LRRC37A2: variants seen among roughly 807,000 people sequenced by gnomAD.
LRRC37A2 encodes the protein leucine rich repeat containing 37 member A2.
A neutral mutation model predicts 68.8 loss-of-function variants in LRRC37A2; 9 were observed. That is an observed-to-expected ratio of 0.13 (90% CI 0.08 to 0.23). The LOEUF is 0.23. LRRC37A2 is among the 10% of genes least tolerant of loss of function. The pLI is 1.00. For missense variants in LRRC37A2, 168 were observed against 950.4 expected (o/e 0.18, Z 10.82); for synonymous variants, 63 against 367.6 (o/e 0.17, Z 9.48).
the LRRC37A2 span, among the ~76,000 whole-genome samples, chr17:46,727,618 AGGTCTCCATAAATTGATAGTG>A: frequency 6.6e-6 from 1 of 152,126 alleles, no homozygotes; most frequent in African/African-American, 2.4e-5. Context: ...TATATCTGTG[AGGTCTCCATAAATTGATAGTG>A]GGTTTTGGGT....
the LRRC37A2 span, among the ~76,000 whole-genome samples, chr17:46,679,461 A>G: frequency 7.6e-5 from 10 of 132,284 alleles, no homozygotes; most frequent in Non-Finnish European, 1.1e-4. Flanking sequence ...AGCTCCTTAT[A>G]TTATTGGGGA....
chr17:46,739,791 C>T, the LRRC37A2 span, among the ~76,000 whole-genome samples: 3 of 151,760 alleles, frequency 2.0e-5, no homozygotes, highest in Non-Finnish European at 2.9e-5. Context: ...CTCTGCCTCC[C>T]GGGTTCAAGC....
chr17:46,711,038 C>A, the LRRC37A2 span: 1 of 1,591,354 alleles, frequency 6.3e-7, no homozygotes. Flanking sequence ...CCCAGTTACT[C>A]GAGTTCTAGA....
At chr17:46,753,628 T>C in the LRRC37A2 span, among the ~76,000 whole-genome samples, 1 of 152,214 alleles carries the variant, frequency 6.6e-6, no homozygotes, top group East Asian at 1.9e-4. Flanking sequence ...AATAATTGCA[T>C]AGAAGAAACT....
the LRRC37A2 span, among the ~76,000 whole-genome samples, chr17:46,981,544 A>T: frequency 6.6e-6 from 1 of 152,112 alleles, no homozygotes; most frequent in Non-Finnish European, 1.5e-5. Flanking sequence ...CAGCTCCTAG[A>T]CTGTGAGAAA....
the LRRC37A2 span, among the ~76,000 whole-genome samples, chr17:46,703,677 T>C: frequency 1.1e-5 from 1 of 92,556 alleles, no homozygotes; most frequent in African/African-American, 4.9e-5. Flanking sequence ...TGAGACTCCG[T>C]CTCAAAAAAA....
At chr17:46,733,731 G>A in the LRRC37A2 span, among the ~76,000 whole-genome samples, 1 of 152,174 alleles carries the variant, frequency 6.6e-6, no homozygotes. Flanking sequence ...CTCATTTGAA[G>A]CTCAACGATT....
At chr17:46,788,769 C>T in the LRRC37A2 span, among the ~76,000 whole-genome samples, 1 of 151,766 alleles carries the variant, frequency 6.6e-6, no homozygotes, top group Non-Finnish European at 1.5e-5. Context: ...ACCTCCCTGC[C>T]TCCTTTCCCT....
the LRRC37A2 span, among the ~76,000 whole-genome samples, chr17:46,977,267 C>A: frequency 6.6e-6 from 1 of 152,230 alleles, no homozygotes; most frequent in Non-Finnish European, 1.5e-5. Flanking sequence ...CGTTATTCTT[C>A]ACTCCCACCC....
the LRRC37A2 span, among the ~76,000 whole-genome samples, chr17:46,914,885 G>A: frequency 1.3e-5 from 2 of 151,956 alleles, no homozygotes; most frequent in East Asian, 3.9e-4. Flanking sequence ...TAATTCAAAG[G>A]GATCTTTCTT....
the LRRC37A2 span, among the ~76,000 whole-genome samples, chr17:46,824,529 G>A: frequency 5.3e-5 from 8 of 152,204 alleles, no homozygotes; most frequent in Non-Finnish European, 1.0e-4. Context: ...GATTACAGGC[G>A]TAAGCCCCCA....
At chr17:46,770,776 A>G in the LRRC37A2 span, among the ~76,000 whole-genome samples, 8 of 152,118 alleles carry the variant, frequency 5.3e-5, no homozygotes, top group Non-Finnish European at 1.2e-4. Context: ...GGGAAAGGAG[A>G]GACTCTCAAG....
the LRRC37A2 span, among the ~76,000 whole-genome samples, chr17:47,044,857 T>A: frequency 8.3e-6 from 1 of 120,882 alleles, no homozygotes; most frequent in South Asian, 3.5e-4. Context: ...ACAAAATATA[T>A]AAAAATTAGC....
chr17:46,816,151 A>C, the LRRC37A2 span, among the ~76,000 whole-genome samples: 1 of 151,538 alleles, frequency 6.6e-6, no homozygotes, highest in Non-Finnish European at 1.5e-5. Flanking sequence ...GCACGCACGC[A>C]CACACACACT....
At chr17:46,969,528 C>T in the LRRC37A2 span, among the ~76,000 whole-genome samples, 1 of 152,192 alleles carries the variant, frequency 6.6e-6, no homozygotes, top group African/African-American at 2.4e-5. Flanking sequence ...TGCCTGGAGA[C>T]CCTAAACAAC....
the LRRC37A2 span, among the ~76,000 whole-genome samples, chr17:46,817,844 C>G: frequency 6.6e-6 from 1 of 152,096 alleles, no homozygotes; most frequent in African/African-American, 2.4e-5. Flanking sequence ...CAAGGAACCC[C>G]CCTTTTGCCA....
chr17:46,575,007 A>C, the LRRC37A2 span, among the ~76,000 whole-genome samples: 1 of 74,832 alleles, frequency 1.3e-5, no homozygotes, highest in Admixed American at 1.3e-4. Flanking sequence ...GAGGCATGAG[A>C]ATCGCCTGAA....
the LRRC37A2 span, among the ~76,000 whole-genome samples, chr17:46,655,888 TC>T: frequency 3.1e-5 from 3 of 97,218 alleles, 1 homozygote; most frequent in African/African-American, 1.5e-4. Flanking sequence ...CCCTTTTTTT[TC>T]ATGTTATCTA....
chr17:46,392,241 T>A, the LRRC37A2 span, among the ~76,000 whole-genome samples: 2 of 67,342 alleles, frequency 3.0e-5, 1 homozygote, highest in Non-Finnish European at 7.0e-5. Context: ...AGATAGGGTA[T>A]CACTTTGTCA....
Sources: allele counts gnomAD v4.1 joint callset (sites outside exome capture counted in the v4.1 genomes callset), GRCh38; gene constraint gnomAD v4.1.1; transcripts MANE v1.5; gene names NCBI Gene and HGNC (gene_info 2026-07-23, HGNC 2026-07-21).